The following SRGAP1 variants were observed in gnomAD, a reference collection of about 807,000 sequenced individuals.
SRGAP1 encodes SLIT-ROBO Rho GTPase-activating protein 1.
Under a neutral mutation model 121.9 loss-of-function variants are expected in SRGAP1, and 43 were observed. The observed-to-expected ratio is 0.35, with a 90% CI of 0.28 to 0.46. The LOEUF (loss-of-function observed/expected upper bound fraction) is 0.46, where lower values mean the gene tolerates loss of function less well. Ranked by LOEUF, SRGAP1 falls within the 20% of genes least tolerant of loss-of-function variation. The pLI is 1.00. For synonymous variants in SRGAP1, 447 were observed against 485.4 expected (o/e 0.92, Z 1.04); for missense variants, 1,102 against 1,350.9 (o/e 0.82, Z 2.89).
chr12:64,024,231 C>T (rs1477122072), intron 4 of SRGAP1, among the ~76,000 whole-genome samples: 2 of 152,098 alleles, frequency 1.3e-5, no homozygotes, highest in African/African-American at 4.8e-5. Context: ...CAGTTCAAGA[C>T]CAGCCTGGGC....
intron 15 of SRGAP1, among the ~76,000 whole-genome samples, chr12:64,100,948 T>C (rs1477933252): frequency 1.3e-5 from 2 of 152,176 alleles, no homozygotes; most frequent in Admixed American, 1.3e-4. Context: ...AGTTGATTAA[T>C]AGTCTACAAT....
intron 1 of SRGAP1, among the ~76,000 whole-genome samples, chr12:63,919,943 T>A (rs1474036532): frequency 6.6e-6 from 1 of 152,226 alleles, no homozygotes. Flanking sequence ...TTCTGCTATT[T>A]GAACAATGTT....
intron 1 of SRGAP1, among the ~76,000 whole-genome samples, chr12:63,882,199 A>T (rs1900216995): frequency 6.6e-6 from 1 of 152,220 alleles, no homozygotes. Flanking sequence ...ATGTTTAGAT[A>T]AGTAAATGTT....
intron 1 of SRGAP1, among the ~76,000 whole-genome samples, chr12:63,854,966 C>T (rs1899189764): frequency 6.6e-6 from 1 of 152,024 alleles, no homozygotes; most frequent in Non-Finnish European, 1.5e-5. Flanking sequence ...AGTTCCACAG[C>T]CTGAAAAACA....
intron 3 of SRGAP1, among the ~76,000 whole-genome samples, chr12:64,003,025 A>T (rs1223319830): frequency 1.8e-5 from 2 of 111,390 alleles, no homozygotes; most frequent in Non-Finnish European, 3.5e-5. Context: ...TATGTGAGTG[A>T]GAGAGAGAGA....
At chr12:63,903,822 A>G (rs1392794255) in intron 1 of SRGAP1, among the ~76,000 whole-genome samples, 2 of 151,898 alleles carry the variant, frequency 1.3e-5, no homozygotes, top group African/African-American at 4.8e-5. Context: ...TTTAGTAGAG[A>G]CGGGGTTTCA....
chr12:63,958,946 A>T (rs2032555073), intron 1 of SRGAP1, among the ~76,000 whole-genome samples: 1 of 152,170 alleles, frequency 6.6e-6, no homozygotes, highest in Non-Finnish European at 1.5e-5. Context: ...TCTTTTATGT[A>T]AGTAGAATGT....
In SRGAP1 at chr12:64,091,989, C is replaced by T. The variant is rs2036061819; in HGVS notation, c.1539+611C>T. 5.2e-6 allele frequency: 7 copies of T among 1,339,986 alleles called. No homozygotes were observed. The African/African-American group carries it at 5.8e-5, about 11-fold the overall frequency. 83.0% of individuals were successfully genotyped at this position (1,339,986 alleles called of 1,614,324 possible). ...GTTGGTATCATTTTCAAGTCGTGCT[C>T]ATGCTTGGCTTTAATTAGATTGTTA... On this transcript the variant is annotated intron_variant, in intron 12 of 21. Transcript: ENST00000355086.
chr12:64,041,399 T>TA (rs2035020676), intron 4 of SRGAP1, among the ~76,000 whole-genome samples: 4 of 122,174 alleles, frequency 3.3e-5, no homozygotes, highest in African/African-American at 7.5e-5. Context: ...TTATTTATTT[T>TA]TTTGAGGCAA....
chr12:63,868,528 G>T (rs1899742754), intron 1 of SRGAP1, among the ~76,000 whole-genome samples: 1 of 152,060 alleles, frequency 6.6e-6, no homozygotes, highest in Non-Finnish European at 1.5e-5. Flanking sequence ...AGCAAACCTG[G>T]CTAATTTTTT....
chr12:63,972,055 C>A (rs556442174), intron 1 of SRGAP1, among the ~76,000 whole-genome samples: 1 of 152,250 alleles, frequency 6.6e-6, no homozygotes, highest in African/African-American at 2.4e-5. Context: ...GAAATCCAAT[C>A]AAAGTCTCTA....
intron 17 of SRGAP1, among the ~76,000 whole-genome samples, chr12:64,112,827 A>C (rs971101890): frequency 3.3e-5 from 5 of 152,164 alleles, no homozygotes; most frequent in African/African-American, 9.7e-5. Flanking sequence ...TCATATATGG[A>C]GCTAAAAAAG....
At chr12:64,044,248 C>T (rs2035080973) in intron 6 of SRGAP1, among the ~76,000 whole-genome samples, 4 of 152,170 alleles carry the variant, frequency 2.6e-5, no homozygotes, top group Admixed American at 2.6e-4. Flanking sequence ...TTCATCCTTT[C>T]ATTCAGAAAA....
intron 1 of SRGAP1, among the ~76,000 whole-genome samples, chr12:63,889,657 C>T (rs1900510957): frequency 6.6e-6 from 1 of 152,094 alleles, no homozygotes; most frequent in Non-Finnish European, 1.5e-5. Flanking sequence ...CGCCTGTAAT[C>T]CCAGCACTTT....
intron 6 of SRGAP1, among the ~76,000 whole-genome samples, chr12:64,055,696 T>C (rs2035327269): frequency 6.6e-6 from 1 of 152,150 alleles, no homozygotes; most frequent in Non-Finnish European, 1.5e-5. Context: ...TTTAAAGTTC[T>C]TTTCAGTGGA....
At chr12:64,134,401 A>G (rs1340250348) in intron 21 of SRGAP1, among the ~76,000 whole-genome samples, 1 of 150,998 alleles carries the variant, frequency 6.6e-6, no homozygotes, top group Non-Finnish European at 1.5e-5. Flanking sequence ...AGCCTGAGCG[A>G]CACAGCAAGA....
intron 10 of SRGAP1, chr12:64,082,042 G>A (rs74551485): frequency 3.2e-3 from 278 of 88,222 alleles, no homozygotes; most frequent in African/African-American, 0.012. Context: ...ACAAATGCCT[G>A]ATATTTCAAG....
At chr12:64,064,612 T>TTAC (rs5798725) in intron 7 of SRGAP1, among the ~76,000 whole-genome samples, 2 of 143,246 alleles carry the variant, frequency 1.4e-5, no homozygotes, top group African/African-American at 6.0e-5. Context: ...ATAAGAACTC[T>TTAC]TATCCTCATT....
intron 1 of SRGAP1, among the ~76,000 whole-genome samples, chr12:63,931,441 T>G (rs978765295): frequency 2.7e-4 from 41 of 152,344 alleles, no homozygotes; most frequent in East Asian, 1.9e-3. Context: ...TTGAATACAT[T>G]GCCATTCTGC....
Sources: allele counts gnomAD v4.1 joint callset (sites outside exome capture counted in the v4.1 genomes callset), GRCh38; gene constraint gnomAD v4.1.1; transcripts MANE v1.5; gene names NCBI Gene and HGNC (gene_info 2026-07-23, HGNC 2026-07-21).